The following TBC1D14 variants were observed in gnomAD, a reference collection of about 807,000 sequenced individuals.
TBC1D14 encodes the protein TBC1 domain family member 14.
In TBC1D14, 26 loss-of-function variants were observed where a neutral mutation model predicts 79.0. The ratio of observed to expected loss-of-function variants is 0.33; its 90% confidence interval spans 0.24 to 0.46. TBC1D14 has a LOEUF of 0.46. TBC1D14 is among the 20% of genes least tolerant of loss of function. TBC1D14 has a pLI of 1.00. For synonymous variants in TBC1D14, 394 were observed against 349.9 expected (o/e 1.13, Z -1.40); for missense variants, 769 against 887.6 (o/e 0.87, Z 1.70).
At chr4:6,941,234 G>A (rs976753863) in intron 2 of TBC1D14, among the ~76,000 whole-genome samples, 2 of 141,818 alleles carry the variant, frequency 1.4e-5, no homozygotes, top group Non-Finnish European at 3.0e-5. Context: ...GGCCCAGGCT[G>A]GAGTGCAATG....
chr4:6,944,647 G>C (rs777094459), intron 2 of TBC1D14, among the ~76,000 whole-genome samples: 24 of 152,312 alleles, frequency 1.6e-4, no homozygotes, highest in Middle Eastern at 3.4e-3. Context: ...ATTCACCATG[G>C]CTCTGGCCTC....
At chr4:6,981,928 G>C (rs1717409640) in intron 3 of TBC1D14, among the ~76,000 whole-genome samples, 1 of 152,198 alleles carries the variant, frequency 6.6e-6, no homozygotes, top group Non-Finnish European at 1.5e-5. Flanking sequence ...AATGGAGAAA[G>C]ACTGAAGGCC....
intron 2 of TBC1D14, among the ~76,000 whole-genome samples, chr4:6,963,009 C>T (rs1043122503): frequency 1.3e-5 from 2 of 152,208 alleles, no homozygotes; most frequent in Admixed American, 1.3e-4. Context: ...CTCTGGGAGA[C>T]CCCACCGAAG....
chr4:7,002,618 G>T (rs564199031), intron 7 of TBC1D14, among the ~76,000 whole-genome samples: 1 of 152,250 alleles, frequency 6.6e-6, no homozygotes, highest in East Asian at 1.9e-4. Context: ...AGTGGCCCCC[G>T]CTAGCACTGG....
chr4:6,976,121 C>G (rs554857099), intron 3 of TBC1D14, among the ~76,000 whole-genome samples: 1 of 152,008 alleles, frequency 6.6e-6, no homozygotes, highest in African/African-American at 2.4e-5. Context: ...ATTATCCAGT[C>G]TGCATAGTAC....
At position 7,019,375 on chromosome 4, in the gene TBC1D14, G is replaced by A. The variant is rs78121898; in HGVS notation, c.1757+4818G>A. Among the ~76,000 whole-genome samples the A allele has an allele frequency of 1.2e-4, 18 of 152,114 alleles. 1 individual carries two copies. In the East Asian group the frequency reaches 2.9e-3, roughly 24 times the overall value. On this transcript the variant is annotated intron_variant, in intron 12 of 13. Transcript: ENST00000409757. The stretch of plus-strand genomic sequence containing the variant: ...GGGGAGTGACTGTTGGGAGGTTTCC[G>A]TTTCTGCTGCCTCTTGCACTTGGGT...
chr4:7,027,367 C>T (rs888274207), intron 13 of TBC1D14, among the ~76,000 whole-genome samples: 2 of 143,680 alleles, frequency 1.4e-5, no homozygotes, highest in Non-Finnish European at 3.0e-5. Flanking sequence ...ACACACATTG[C>T]ACATCCATTC....
At position 7,030,374 on chromosome 4, in the gene TBC1D14, T is replaced by C. The variant is rs1722936201; in HGVS notation, c.2064T>C (p.Ser688=). The C allele has an allele frequency of 1.2e-6, 2 of 1,613,886 alleles. No individual in the cohort carries two copies. The highest frequency in any genetic ancestry group is 2.7e-5 in the African/African-American group (2 of 74,928). The change falls in exon 14 of 14, where the codon AGT becomes AGC. Residue 688 remains serine (S), a synonymous_variant. Coordinates refer to ENST00000409757, the MANE Select transcript of TBC1D14 (RefSeq NM_020773.3). ...QKDSREMEKG[S]PSLRH is the part of the protein sequence containing the mutation. The stretch of plus-strand genomic sequence containing the variant: ...ACAGCCGGGAAATGGAGAAGGGAAG[T>C]CCGTCCCTCCGACACTGAGGCTGCA...
chr4:6,972,205 G>A (rs1716285008), intron 3 of TBC1D14, among the ~76,000 whole-genome samples: 1 of 152,204 alleles, frequency 6.6e-6, no homozygotes, highest in Admixed American at 6.5e-5. Flanking sequence ...GACTTCTGTG[G>A]CCCTTGCCTT....
intron 9 of TBC1D14, among the ~76,000 whole-genome samples, chr4:7,006,942 A>G (rs565731178): frequency 6.6e-6 from 1 of 152,244 alleles, no homozygotes; most frequent in South Asian, 2.1e-4. Context: ...TTGTGCTCCA[A>G]AAGACAATTC....
intron 2 of TBC1D14, among the ~76,000 whole-genome samples, chr4:6,944,848 G>T (rs930221933): frequency 6.6e-6 from 1 of 152,170 alleles, no homozygotes; most frequent in Admixed American, 6.5e-5. Flanking sequence ...TATCCCCGGG[G>T]CAGAGGTGGC....
chr4:7,008,092 A>G (rs1720392859), intron 9 of TBC1D14, among the ~76,000 whole-genome samples: 1 of 152,240 alleles, frequency 6.6e-6, no homozygotes, highest in South Asian at 2.1e-4. Flanking sequence ...GGCTGTTGAC[A>G]GTACTTGGCA....
intron 2 of TBC1D14, among the ~76,000 whole-genome samples, chr4:6,952,983 A>G (rs1353212031): frequency 1.3e-5 from 2 of 149,418 alleles, no homozygotes; most frequent in Non-Finnish European, 3.0e-5. Context: ...CTAGGATTAC[A>G]GGCACCCACT....
intron 3 of TBC1D14, among the ~76,000 whole-genome samples, chr4:6,970,486 C>A (rs1716125383): frequency 2.6e-5 from 4 of 152,376 alleles, no homozygotes; most frequent in African/African-American, 4.8e-5. Flanking sequence ...CAACCTTGAA[C>A]AACAGGAAAT....
chr4:6,924,278 A>T (rs1295585452), intron 2 of TBC1D14, among the ~76,000 whole-genome samples, 167 bp downstream of exon 2: 1 of 136,860 alleles, frequency 7.3e-6, no homozygotes, highest in Non-Finnish European at 1.6e-5. Context: ...GGATTGTGAG[A>T]ACTGGTCTGT....
At chr4:6,928,486 G>T (rs114538387) in intron 2 of TBC1D14, among the ~76,000 whole-genome samples, 1 of 152,104 alleles carries the variant, frequency 6.6e-6, no homozygotes, top group Non-Finnish European at 1.5e-5. Context: ...TAGCCCCTGC[G>T]ATCGCCAGTG....
At chr4:6,967,825 G>A (rs1208908260) in intron 3 of TBC1D14, among the ~76,000 whole-genome samples, 1 of 152,188 alleles carries the variant, frequency 6.6e-6, no homozygotes, top group Non-Finnish European at 1.5e-5. Flanking sequence ...GCTACTCTGG[G>A]ACAGGAAGGC....
chr4:6,972,950 G>A (rs188524743), intron 3 of TBC1D14, among the ~76,000 whole-genome samples: 2 of 152,308 alleles, frequency 1.3e-5, no homozygotes, highest in African/African-American at 2.4e-5. Flanking sequence ...AACTCTTTCC[G>A]ACATAACACT....
chr4:7,016,592 C>G (rs1175439589), intron 12 of TBC1D14, among the ~76,000 whole-genome samples: 1 of 152,218 alleles, frequency 6.6e-6, no homozygotes, highest in East Asian at 1.9e-4. Context: ...CCCACCTTTA[C>G]TTGCAAAAGG....
Sources: allele counts gnomAD v4.1 joint callset (sites outside exome capture counted in the v4.1 genomes callset), GRCh38; gene constraint gnomAD v4.1.1; transcripts MANE v1.5; gene names NCBI Gene and HGNC (gene_info 2026-07-23, HGNC 2026-07-21).